CNDP1: variants seen among roughly 807,000 people sequenced by gnomAD.
The protein encoded by CNDP1 is beta-Ala-His dipeptidase.
CNDP1 carries 44 observed loss-of-function variants against 58.1 expected under a neutral mutation model. The observed-to-expected ratio is 0.76, with a 90% confidence interval of 0.60 to 0.97. CNDP1 has a LOEUF of 0.97. Ranked by LOEUF, CNDP1 falls within the 50% of genes least tolerant of loss-of-function variation. The pLI, the probability that CNDP1 is intolerant of heterozygous loss-of-function variation, is 0.00. For missense variants in CNDP1, 616 were observed against 655.1 expected (o/e 0.94, Z 0.65); for synonymous variants, 254 against 252.6 (o/e 1.01, Z -0.05).
chr18:74,566,840 T>C (rs1981340543), intron 5 of CNDP1, among the ~76,000 whole-genome samples: 1 of 152,220 alleles, frequency 6.6e-6, no homozygotes, highest in Non-Finnish European at 1.5e-5. Flanking sequence ...ACTCTACTGG[T>C]ACCAATTTAC....
intron 1 of CNDP1, among the ~76,000 whole-genome samples, chr18:74,553,639 C>A (rs1337031180): frequency 1.3e-5 from 2 of 152,190 alleles, no homozygotes; most frequent in African/African-American, 4.8e-5. Flanking sequence ...TAAGCCAGTT[C>A]ACTCTCCAGA....
rs1981915892 is a variant in CNDP1 at position 74,586,439 on chromosome 18, T to A, written c.*1877T>A. The A allele has an allele frequency of 6.6e-6, 1 of 152,202 alleles. No individual in the cohort carries two copies. The highest frequency in any genetic ancestry group is 2.4e-5 in the African/African-American group (1 of 41,448). 9.4% of individuals were successfully genotyped at this position (152,202 alleles called of 1,614,324 possible). On this transcript the variant is annotated 3_prime_UTR_variant, in exon 12 of 12. Coordinates refer to ENST00000358821, the MANE Select transcript of CNDP1 (RefSeq NM_032649.6). ...GATAAGGACTAACAGTAAGAGAGAT[T>A]TAGAGTCTTCATGTTAGTCCATTAA... is the stretch of plus-strand genomic sequence containing the variant.
intron 5 of CNDP1, among the ~76,000 whole-genome samples, chr18:74,565,331 A>G (rs1169502138): frequency 1.3e-5 from 2 of 152,134 alleles, no homozygotes; most frequent in Non-Finnish European, 2.9e-5. Flanking sequence ...AACCAGCCAT[A>G]ATTTCCCAAT....
chr18:74,544,853 G>C (rs1004739326), intron 1 of CNDP1, among the ~76,000 whole-genome samples: 3 of 152,078 alleles, frequency 2.0e-5, no homozygotes, highest in African/African-American at 7.2e-5. Flanking sequence ...TTGGAAACAG[G>C]GTTTTTACAG....
intron 2 of CNDP1, among the ~76,000 whole-genome samples, chr18:74,557,307 G>A (rs999435036): frequency 7.9e-5 from 12 of 152,004 alleles, no homozygotes; most frequent in Admixed American, 5.9e-4. Context: ...CTGCGGCCTC[G>A]ACCTCCTGGG....
chr18:74,581,732 G>T (rs1453824565), intron 10 of CNDP1, among the ~76,000 whole-genome samples: 2 of 152,204 alleles, frequency 1.3e-5, no homozygotes, highest in African/African-American at 4.8e-5. Flanking sequence ...AGGGAGCAGG[G>T]ACACCCAGTC....
rs1463218258 is a variant in CNDP1 at position 74,578,320 on chromosome 18, A to G, written c.1160A>G (p.Glu387Gly). The G allele has an allele frequency of 6.2e-7, 1 of 1,601,852 alleles. No homozygotes were observed. The highest frequency in any genetic ancestry group is 8.5e-7 in the Non-Finnish European group (1 of 1,175,008). The change falls in exon 9 of 12, where the codon GAA becomes GGA. Residue 387 changes from glutamate (E) to glycine (G), a missense_variant. Glu to Gly is a moderately conservative substitution (Grantham distance 98). Coordinates refer to ENST00000358821, the MANE Select transcript of CNDP1 (RefSeq NM_032649.6). ...LVPHMNVSAV[E>G]KQVTRHLEDV... ...CCTCACATGAATGTGTCTGCGGTGG[A>G]AAAACAGGTAACAAATGCTTATTGT...
At chr18:74,579,116 CTCCTTCCT>C (rs538139639) in intron 9 of CNDP1, among the ~76,000 whole-genome samples, 3 of 149,866 alleles carry the variant, frequency 2.0e-5, no homozygotes, top group Non-Finnish European at 4.5e-5. Context: ...TCTTCCCTCC[CTCCTTCCT>C]TCCTTCCTTC....
At position 74,562,057 on chromosome 18, in the gene CNDP1, T is replaced by C. The variant is rs1404893982; in HGVS notation, c.477T>C (p.Tyr159=). The change falls in exon 5 of 12, where the codon TAT becomes TAC. Residue 159 remains tyrosine, a synonymous_variant. Transcript: ENST00000358821. The part of the protein sequence containing the change: ...YVLTEVDGKL[Y]GRGATDNKGP... Reference sequence around the variant, plus strand: ...CTCCCCTTTTTAAAGGGAAACTTTATGGACGAGGAGCGACCGACAACAAAG... The same window carrying C: ...CTCCCCTTTTTAAAGGGAAACTTTACGGACGAGGAGCGACCGACAACAAAG... The C allele has an allele frequency of 1.5e-5, 25 of 1,613,938 alleles. No individual in the cohort carries two copies. Among genetic ancestry groups the C allele is most frequent in the Non-Finnish European group, 2.0e-5 (24 of 1,179,938 alleles).
At chr18:74,570,893 A>G (rs886065776) in intron 6 of CNDP1, among the ~76,000 whole-genome samples, 3 of 152,246 alleles carry the variant, frequency 2.0e-5, no homozygotes, top group Non-Finnish European at 4.4e-5. Context: ...CTGTGTAAAC[A>G]TCAATCATTT....
At position 74,556,354 on chromosome 18, in the gene CNDP1, CTG is replaced by C; in HGVS notation, c.44_45del (p.Val15AlafsTer28). On this transcript the variant is annotated frameshift_variant, in exon 2 of 12. Transcript: ENST00000358821. LOFTEE classifies it high-confidence loss of function. ...CCCTTCCAGGCTGCGTCCCTGCTGG[CTG>C]TGCTGCTGCTGCTGCTGGAGCGCGG... is the stretch of plus-strand genomic sequence containing the variant. 6.5e-7 allele frequency: 1 copy of C among 1,538,296 alleles called. No homozygotes were observed. Among genetic ancestry groups the C allele is most frequent in the African/African-American group, 1.5e-5 (1 of 67,326 alleles).
intron 1 of CNDP1, among the ~76,000 whole-genome samples, chr18:74,540,824 C>T (rs554317791): frequency 1.3e-4 from 20 of 152,284 alleles, no homozygotes; most frequent in South Asian, 1.2e-3. Context: ...AAAATGTAAA[C>T]GTGAACTTAC....
intron 7 of CNDP1, among the ~76,000 whole-genome samples, chr18:74,572,407 T>TA (rs1981501628): frequency 6.6e-6 from 1 of 152,074 alleles, no homozygotes; most frequent in Non-Finnish European, 1.5e-5. Context: ...GGTGTTCTTT[T>TA]AAAAAAGAGG....
intron 1 of CNDP1, among the ~76,000 whole-genome samples, chr18:74,554,752 C>T (rs888710244): frequency 2.0e-5 from 3 of 152,188 alleles, no homozygotes; most frequent in African/African-American, 2.4e-5. Flanking sequence ...ATTTGCTTTA[C>T]CCCAAGGGCA....
chr18:74,581,021 C>T (rs1981775963), intron 10 of CNDP1, among the ~76,000 whole-genome samples: 1 of 152,142 alleles, frequency 6.6e-6, no homozygotes, highest in African/African-American at 2.4e-5. Flanking sequence ...CAGAGGAAAT[C>T]CTTCAGGGTT....
intron 10 of CNDP1, among the ~76,000 whole-genome samples, chr18:74,581,218 CTGTGTGTGTGTGTG>C (rs56269857): frequency 0.011 from 1,548 of 138,500 alleles, 15 homozygotes; most frequent in Non-Finnish European, 0.018. Flanking sequence ...CACACCTATC[CTGTGTGTGTGTGTG>C]TGTGTGTGTG....
At chr18:74,539,802 C>G (rs1230352094) in intron 1 of CNDP1, among the ~76,000 whole-genome samples, 4 of 152,206 alleles carry the variant, frequency 2.6e-5, no homozygotes, top group African/African-American at 9.7e-5. Flanking sequence ...TAGTGAGTCC[C>G]CATGTGCCTA....
At chr18:74,568,633 G>T (rs755298929) in intron 6 of CNDP1, among the ~76,000 whole-genome samples, 2 of 152,190 alleles carry the variant, frequency 1.3e-5, no homozygotes, top group Non-Finnish European at 2.9e-5. Context: ...AACCTCTTCT[G>T]TGAGGGCTTT....
intron 6 of CNDP1, among the ~76,000 whole-genome samples, chr18:74,568,604 A>G (rs1439356076): frequency 6.6e-6 from 1 of 152,182 alleles, no homozygotes; most frequent in African/African-American, 2.4e-5. Context: ...GGCGAGCTCC[A>G]GACCCAGGGG....
Sources: allele counts gnomAD v4.1 joint callset (sites outside exome capture counted in the v4.1 genomes callset), GRCh38; gene constraint gnomAD v4.1.1; transcripts MANE v1.5; gene names NCBI Gene and HGNC (gene_info 2026-07-23, HGNC 2026-07-21).